Variants in PSG5 observed in about 807,000 individuals in gnomAD.
The protein encoded by PSG5 is pregnancy-specific beta-1-glycoprotein 5.
Under a neutral mutation model 37.7 loss-of-function variants are expected in PSG5, and 53 were observed. The observed-to-expected ratio is 1.41, with a 90% CI of 1.13 to 1.77. The LOEUF (loss-of-function observed/expected upper bound fraction) is 1.77, where lower values mean the gene tolerates loss of function less well. PSG5 is among the 40% of genes most tolerant of loss of function. The pLI is 0.00. For synonymous variants in PSG5, 221 were observed against 155.4 expected, an observed-to-expected ratio of 1.42 and a Z score of -3.14; for missense variants, 547 against 405.2, an observed-to-expected ratio of 1.35 and a Z score of -3.00.
intron 4 of PSG5, among the ~76,000 whole-genome samples, chr19:43,173,608 A>G (rs1568548636): frequency 6.6e-6 from 1 of 151,700 alleles, no homozygotes; most frequent in Non-Finnish European, 1.5e-5. Context: ...AAAGTTCCTC[A>G]GCATCACGAA....
In PSG5 at chr19:43,186,343, T is replaced by G. The variant is rs112381338; in HGVS notation, c.63A>C (p.Thr21=). The G allele has an allele frequency of 1.3e-5, 21 of 1,612,178 alleles. 1 individual carries two copies. In the African/African-American group the frequency reaches 1.3e-4, roughly 10 times the overall value. ...QHITWKGLLL[T]ASLLNFWNLP... The stretch of plus-strand genomic sequence containing the variant: ...TCTCCCAGGAAGTTCTCTCCTCACC[T>G]GTGAGCAGGAGCCCCTTCCAGGTGA... The change falls in exon 1 of 6, where the codon ACA becomes ACC. Residue 21 remains threonine (T), a splice_region_variant and synonymous_variant. Transcript: ENST00000342951.
At chr19:43,175,501 G>T in intron 3 of PSG5, 32 bp from the exon 4 acceptor site, 2 of 1,579,282 alleles carry the variant, frequency 1.3e-6, no homozygotes, top group African/African-American at 2.7e-5. Flanking sequence ...CACAGGTGAT[G>T]TCATCCAAGG....
rs1599747496 is a variant in PSG5 at position 43,175,570 on chromosome 19, C to A, written c.710-101G>T. The A allele has an allele frequency of 4.7e-6, 7 of 1,492,934 alleles. No homozygotes were observed. The East Asian group carries it at 6.8e-5, about 14-fold the overall frequency. 92.5% of individuals were successfully genotyped at this position (1,492,934 alleles called of 1,614,324 possible). On this transcript the variant is annotated intron_variant, in intron 3 of 5. Transcript: ENST00000342951. The stretch of plus-strand genomic sequence containing the variant: ...AGTGACCCTCTGAGCCAAGACACAC[C>A]CTCAAGTCCCAGCCGAACCCCCACT...
rs148888302 is a variant in PSG5 at position 43,184,807 on chromosome 19, A to G, written c.405T>C (p.Thr135=). The stretch of plus-strand genomic sequence containing the variant: ...GGTATAAGTTGAAGGTGAAATATCC[A>G]GTTACTCCTCTAGTCCTATCACCTC... ...IKRGDRTRGV[T]GYFTFNLYLK... Residue 135 remains threonine, a synonymous_variant, in exon 2 of 6, where the codon ACT becomes ACC. Transcript: ENST00000342951. 6.2e-7 allele frequency: 1 copy of G among 1,612,362 alleles called. No homozygotes were observed. Among genetic ancestry groups the G allele is most frequent in the Admixed American group, 1.7e-5 (1 of 59,884 alleles).
rs974765050 is a variant in PSG5 at position 43,186,200 on chromosome 19, A to C, written c.64+142T>G. On this transcript the variant is annotated intron_variant, in intron 1 of 5. Coordinates refer to ENST00000342951, the MANE Select transcript of PSG5 (RefSeq NM_002781.4). The stretch of plus-strand genomic sequence containing the variant: ...ACTGTGTTGGCAGGACTGACCTTGA[A>C]CTCCTGATCTCATAATCCACCCACC... 26 of 1,420,688 alleles carry C rather than the reference A, an allele frequency of 1.8e-5. 1 individual carries two copies. Among genetic ancestry groups the C allele is most frequent in the Middle Eastern group, 2.5e-4 (1 of 4,078 alleles). 88.0% of individuals were successfully genotyped at this position (1,420,688 alleles called of 1,614,324 possible).
rs1456076573 is a variant in PSG5 at position 43,170,123 on chromosome 19, C to A, written c.980G>T (p.Gly327Val). ...TVEVSAPSGI[G>V]RLPLLNPI ...TATTGGATTAAGGAGAGGAAGACGT[C>A]CTATTCCTGAAGGAGCTGTCATGGA... Residue 327 changes from glycine (G) to valine (V), a missense_variant, in exon 5 of 6, where the codon GGA becomes GTA. By Grantham distance (109) the Gly-to-Val change is moderately radical. Transcript: ENST00000342951. 1 of 1,588,420 alleles carries A rather than the reference C, an allele frequency of 6.3e-7. No individual in the cohort carries two copies. Among genetic ancestry groups the A allele is most frequent in the Non-Finnish European group, 8.6e-7 (1 of 1,161,410 alleles).
At chr19:43,178,849 C>G (rs1401135142) in intron 2 of PSG5, 11 of 1,612,840 alleles carry the variant, frequency 6.8e-6, no homozygotes, top group Middle Eastern at 3.3e-4. Flanking sequence ...GGATGGCAGC[C>G]TGGCTCACAG....
At chr19:43,171,569 T>C (rs1386099977) in intron 4 of PSG5, 1 of 423,400 alleles carries the variant, frequency 2.4e-6, no homozygotes, top group African/African-American at 2.1e-5. Flanking sequence ...TAGAGGAAAT[T>C]AATGAAACCA....
chr19:43,185,267 A>AACAC, intron 1 of PSG5, 120 bp from the exon 2 acceptor site: 4 of 1,183,910 alleles, frequency 3.4e-6, no homozygotes, highest in Non-Finnish European at 3.6e-6. Flanking sequence ...CACACACACA[A>AACAC]ACACACACAC....
chr19:43,185,742 A>T (rs1285560181), intron 1 of PSG5, among the ~76,000 whole-genome samples: 5 of 151,346 alleles, frequency 3.3e-5, no homozygotes, highest in South Asian at 2.1e-4. Context: ...TTGGTGTTTT[A>T]TTTTCCCCCA....
At chr19:43,182,777 C>G (rs1040297712) in intron 2 of PSG5, among the ~76,000 whole-genome samples, 13 of 140,792 alleles carry the variant, frequency 9.2e-5, no homozygotes, top group Non-Finnish European at 1.5e-4. Context: ...GGAGGAACTG[C>G]CTATCCCTGT....
In PSG5 at chr19:43,168,563, G is replaced by A. The variant is rs375958908; in HGVS notation, c.*41-360C>T. 6.9e-4 allele frequency among the ~76,000 whole-genome samples: 105 copies of A among 151,406 alleles called. 5 individuals are homozygous for A. In the South Asian group the frequency reaches 0.02, roughly 29 times the overall value. Reference sequence around the variant, plus strand: ...TTGTTTTTGCATTTTTAGTAGAGACGGGGTTTCACCGTGTTAGCCAGGATG... The same window carrying A: ...TTGTTTTTGCATTTTTAGTAGAGACAGGGTTTCACCGTGTTAGCCAGGATG... On this transcript the variant is annotated intron_variant, in intron 5 of 5. Coordinates refer to ENST00000342951, the MANE Select transcript of PSG5 (RefSeq NM_002781.4).
intron 4 of PSG5, 160 bp from the exon 5 acceptor site, chr19:43,170,298 G>T (rs1034997045): frequency 1.8e-5 from 12 of 673,498 alleles, no homozygotes; most frequent in Middle Eastern, 9.0e-4. Flanking sequence ...TATTCTTGCA[G>T]TTTTTTTTTT....
intron 2 of PSG5, among the ~76,000 whole-genome samples, chr19:43,183,946 G>T (rs1344168592): frequency 6.6e-6 from 1 of 151,542 alleles, no homozygotes; most frequent in Non-Finnish European, 1.5e-5. Context: ...AATGTTAAAT[G>T]ATTCAGTCAC....
At chr19:43,182,105 C>A (rs1198682145) in intron 2 of PSG5, among the ~76,000 whole-genome samples, 1 of 151,618 alleles carries the variant, frequency 6.6e-6, no homozygotes, top group African/African-American at 2.4e-5. Flanking sequence ...GCCAGGCTAA[C>A]CTTGGGAGGA....
chr19:43,182,566 C>G lies in PSG5; in HGVS notation c.430+2216G>C, dbSNP rs1051694925. ...GCAGTACTCATTTTTTAGTCCTGTG[C>G]CCCTGAAACTATCCTTGAAAATCTC... On this transcript the variant is annotated intron_variant, in intron 2 of 5. Coordinates refer to ENST00000342951, the MANE Select transcript of PSG5 (RefSeq NM_002781.4). 4.6e-5 allele frequency among the ~76,000 whole-genome samples: 7 copies of G among 151,270 alleles called. No individual in the cohort carries two copies. In the East Asian group the frequency reaches 5.8e-4, roughly 13 times the overall value.
rs781201579 is a variant in PSG5 at position 43,175,961 on chromosome 19, A to G, written c.618T>C (p.Ser206=). ...AGGGTCCTGTTTCATTTCTCGTGAC[A>G]CTGGGTAGAATGAGGATCCTGTTTT... is the stretch of plus-strand genomic sequence containing the variant. The part of the protein sequence containing the change: ...PIENRILILP[S]VTRNETGPYE... The change falls in exon 3 of 6, where the codon AGT becomes AGC. Residue 206 remains serine, a synonymous_variant. Coordinates refer to ENST00000342951, the MANE Select transcript of PSG5 (RefSeq NM_002781.4). 2 of 1,611,972 alleles carry G rather than the reference A, an allele frequency of 1.2e-6. No homozygotes were observed. Among genetic ancestry groups the G allele is most frequent in the Non-Finnish European group, 1.7e-6 (2 of 1,179,182 alleles).
At position 43,175,416 on chromosome 19, in the gene PSG5, C is replaced by G. The variant is rs755650903; in HGVS notation, c.763G>C (p.Glu255Gln). 1.2e-5 allele frequency: 20 copies of G among 1,612,692 alleles called. 1 individual carries two copies. The highest frequency in any genetic ancestry group is 8.8e-5 in the South Asian group (8 of 91,050). Residue 255 changes from glutamate (E) to glutamine (Q), a missense_variant, in exon 4 of 6, where the codon GAA (glutamate) becomes CAA (glutamine). Physicochemically the swap from Glu to Gln is conservative, Grantham distance 29. Coordinates refer to ENST00000342951, the MANE Select transcript of PSG5 (RefSeq NM_002781.4). ...YPSFTYYRSG[E>Q]NLYLSCFAES... Reference sequence around the variant, plus strand: ...GCGAAGCAGGACAAGTAGAGGTTTTCTCCTGAACGGTAATAGGTGAATGAA... The same window carrying G: ...GCGAAGCAGGACAAGTAGAGGTTTTGTCCTGAACGGTAATAGGTGAATGAA...
At chr19:43,175,651 T>A (rs1968992855) in intron 3 of PSG5, 182 bp from the exon 4 acceptor site, 5 of 1,386,158 alleles carry the variant, frequency 3.6e-6, no homozygotes, top group Non-Finnish European at 4.9e-6. Flanking sequence ...CACAAGCTAT[T>A]GACACAAAGT....
Sources: allele counts gnomAD v4.1 joint callset (sites outside exome capture counted in the v4.1 genomes callset), GRCh38; gene constraint gnomAD v4.1.1; transcripts MANE v1.5; gene names NCBI Gene and HGNC (gene_info 2026-07-23, HGNC 2026-07-21).